The following PPFIBP2 variants were observed in gnomAD, a reference collection of about 807,000 sequenced individuals.
PPFIBP2 encodes liprin-beta-2.
In PPFIBP2, 118 loss-of-function variants were observed where a neutral mutation model predicts 118.3. That is an observed-to-expected ratio of 1.00 (90% confidence interval 0.86 to 1.16). The LOEUF (loss-of-function observed/expected upper bound fraction) is 1.16, where lower values mean the gene tolerates loss of function less well. PPFIBP2 is among the 50% of genes most tolerant of loss of function. PPFIBP2 has a pLI of 0.00. For synonymous variants in PPFIBP2, 414 were observed against 397.4 expected (o/e 1.04, Z -0.50); for missense variants, 1,195 against 1,073.1 (o/e 1.11, Z -1.59).
intron 2 of PPFIBP2, among the ~76,000 whole-genome samples, chr11:7,556,373 T>C (rs751071574): frequency 6.6e-6 from 1 of 152,168 alleles, no homozygotes; most frequent in Non-Finnish European, 1.5e-5. Context: ...GAGAATGGCA[T>C]GAACCCAGGA....
At chr11:7,648,676 C>T in intron 18 of PPFIBP2, 124 bp from the exon 19 acceptor site, 1 of 1,433,022 alleles carries the variant, frequency 7.0e-7, no homozygotes, top group African/African-American at 1.4e-5. Context: ...TGCAGGTTGG[C>T]ATCCCAGGGC....
chr11:7,604,177 G>A (rs988099141), intron 5 of PPFIBP2, among the ~76,000 whole-genome samples: 3 of 152,116 alleles, frequency 2.0e-5, no homozygotes, highest in Non-Finnish European at 4.4e-5. Context: ...ACAGAATAAA[G>A]GCAGCCAGCA....
At chr11:7,656,867 C>A, downstream of PPFIBP2, 2 of 1,139,744 alleles carry the variant, frequency 1.8e-6, no homozygotes, top group Non-Finnish European at 2.3e-6. Context: ...CTGTGGGGAG[C>A]GGGCACACAG....
chr11:7,651,783 AG>A lies in PPFIBP2; in HGVS notation c.2376del (p.Lys793SerfsTer13), dbSNP rs745820945. 4 of 1,613,974 alleles carry A rather than the reference AG, an allele frequency of 2.5e-6. No individual in the cohort carries two copies. The Admixed American group carries it at 6.7e-5, about 27-fold the overall frequency. Reference sequence around the variant, plus strand: ...TTGATTGGTCCGGAGGCTGAACAGGAGAAGCGAGAGAAAATGGCCTCACCAG... The same window carrying A: ...TTGATTGGTCCGGAGGCTGAACAGGAAAGCGAGAGAAAATGGCCTCACCAG... ...NALIGPEAEQ[E>X]KREKMASPAY... On this transcript the variant is annotated frameshift_variant, in exon 23 of 24. Transcript: ENST00000299492. LOFTEE classifies it high-confidence loss of function.
At chr11:7,514,947 G>C (rs948578006) in intron 1 of PPFIBP2, among the ~76,000 whole-genome samples, 1 of 152,034 alleles carries the variant, frequency 6.6e-6, no homozygotes, top group African/African-American at 2.4e-5. Flanking sequence ...CTTTCTCTTC[G>C]TCTCTCTCCT....
intron 2 of PPFIBP2, among the ~76,000 whole-genome samples, chr11:7,558,179 G>T (rs988615766): frequency 6.6e-6 from 1 of 152,148 alleles, no homozygotes; most frequent in African/African-American, 2.4e-5. Context: ...CAAGAGCTCT[G>T]GTCCTTGTCA....
At chr11:7,574,576 C>T (rs939987814) in intron 3 of PPFIBP2, among the ~76,000 whole-genome samples, 5 of 152,184 alleles carry the variant, frequency 3.3e-5, no homozygotes, top group African/African-American at 1.2e-4. Context: ...TTTAGGGGCT[C>T]ATCTGATCCC....
intron 3 of PPFIBP2, among the ~76,000 whole-genome samples, chr11:7,571,255 G>A (rs1353201841): frequency 2.6e-5 from 4 of 152,144 alleles, no homozygotes; most frequent in African/African-American, 9.7e-5. Context: ...GGGGAGCACA[G>A]CCACCCCCCC....
intron 3 of PPFIBP2, among the ~76,000 whole-genome samples, chr11:7,587,471 T>C (rs1017104912): frequency 7.2e-5 from 11 of 152,224 alleles, no homozygotes; most frequent in Admixed American, 2.0e-4. Context: ...TTGAGACAAA[T>C]GTATTAACCA....
chr11:7,611,770 A>G (rs886989073), intron 6 of PPFIBP2, among the ~76,000 whole-genome samples: 1 of 152,226 alleles, frequency 6.6e-6, no homozygotes, highest in Admixed American at 6.5e-5. Context: ...GTTAGCTTTT[A>G]TTGATCACTT....
At chr11:7,642,228 A>G in intron 16 of PPFIBP2, 70 bp from the exon 17 acceptor site, 1 of 1,576,686 alleles carries the variant, frequency 6.3e-7, no homozygotes, top group Non-Finnish European at 8.6e-7. Flanking sequence ...GCCTTGCAAA[A>G]GAGGAAGCAC....
intron 1 of PPFIBP2, among the ~76,000 whole-genome samples, chr11:7,530,076 G>T (rs894965303): frequency 3.3e-5 from 5 of 152,148 alleles, no homozygotes; most frequent in African/African-American, 9.7e-5. Flanking sequence ...CCAACATTTA[G>T]GCCCTGATGA....
intron 10 of PPFIBP2, 117 bp downstream of exon 10, chr11:7,629,651 T>C: frequency 1.0e-6 from 1 of 974,836 alleles, no homozygotes; most frequent in Non-Finnish European, 1.6e-6. Context: ...GACTCCCTAC[T>C]GGAGAACAGA....
At chr11:7,627,522 C>G (rs924269484) in intron 8 of PPFIBP2, among the ~76,000 whole-genome samples, 1 of 152,002 alleles carries the variant, frequency 6.6e-6, no homozygotes, top group African/African-American at 2.4e-5. Flanking sequence ...TTTGAACAAT[C>G]TAGCTATGTG....
chr11:7,561,263 G>A (rs974992435), intron 2 of PPFIBP2, among the ~76,000 whole-genome samples: 2 of 152,032 alleles, frequency 1.3e-5, no homozygotes, highest in Non-Finnish European at 2.9e-5. Context: ...AAGGGGTTTT[G>A]CCATGTTGGC....
At chr11:7,566,441 C>T (rs894948428) in intron 3 of PPFIBP2, among the ~76,000 whole-genome samples, 1 of 152,038 alleles carries the variant, frequency 6.6e-6, no homozygotes, top group African/African-American at 2.4e-5. Flanking sequence ...ACTGCAGCCT[C>T]GACCTCCCAG....
In PPFIBP2 at chr11:7,576,019, G is replaced by T. The variant is rs372598313; in HGVS notation, c.279+10252G>T. Among the ~76,000 whole-genome samples, 18 of 152,372 alleles carry T rather than the reference G, an allele frequency of 1.2e-4. No individual in the cohort carries two copies. In the South Asian group the frequency reaches 3.5e-3, roughly 30 times the overall value. On this transcript the variant is annotated intron_variant, in intron 3 of 23. Coordinates refer to ENST00000299492, the MANE Select transcript of PPFIBP2 (RefSeq NM_003621.5). ...GCCGCCTCTGTGATCTCTGTGGGCT[G>T]GCCCAGCCTGCCGGGGACTGTGCTG...
Position 7,642,357 on chromosome 11 carries a change from G to C in PPFIBP2, c.1577G>C (p.Arg526Pro). Reference sequence around the variant, plus strand: ...GACACGCTGGGGATGGCAGAGTTTCGACGAGGTGGGCTCCGGGCAACCGCA... The same window carrying C: ...GACACGCTGGGGATGGCAGAGTTTCCACGAGGTGGGCTCCGGGCAACCGCA... ...YTDTLGMAEF[R>P]RGGLRATAGP... Residue 526 changes from arginine (R) to proline (P), a missense_variant, in exon 17 of 24, where the codon CGA (arginine) becomes CCA (proline). Arg to Pro is a moderately radical substitution (Grantham distance 103, BLOSUM62 -2). Transcript: ENST00000299492. 6.2e-7 allele frequency: 1 copy of C among 1,614,120 alleles called. No homozygotes were observed. Among genetic ancestry groups the C allele is most frequent in the Non-Finnish European group, 8.5e-7 (1 of 1,179,990 alleles).
intron 5 of PPFIBP2, chr11:7,605,985 G>A (rs1262891680): frequency 6.5e-7 from 1 of 1,535,508 alleles, no homozygotes; most frequent in African/African-American, 1.4e-5. Flanking sequence ...CAAGGATGTG[G>A]AAGCTATTGA....
Sources: allele counts gnomAD v4.1 joint callset (sites outside exome capture counted in the v4.1 genomes callset), GRCh38; gene constraint gnomAD v4.1.1; transcripts MANE v1.5; gene names NCBI Gene and HGNC (gene_info 2026-07-23, HGNC 2026-07-21).